The following CCDC148 variants were observed in gnomAD, a reference collection of about 807,000 sequenced individuals.
CCDC148 encodes coiled-coil domain-containing protein 148.
Under a neutral mutation model 85.7 loss-of-function variants are expected in CCDC148, and 89 were observed. The observed-to-expected ratio is 1.04, with a 90% CI of 0.87 to 1.24. CCDC148 has a LOEUF of 1.24. Ranked by LOEUF, CCDC148 falls within the 50% of genes most tolerant of loss-of-function variation. The probability of loss-of-function intolerance (pLI) is 0.00; values close to 1 mark genes in which losing one functional copy is unlikely to be tolerated. For synonymous variants in CCDC148, 230 were observed against 213.9 expected (o/e 1.08, Z -0.66); for missense variants, 692 against 671.7 (o/e 1.03, Z -0.33).
chr2:158,316,618 A>G (rs1308209402), intron 7 of CCDC148, among the ~76,000 whole-genome samples: 1 of 152,200 alleles, frequency 6.6e-6, no homozygotes, highest in Non-Finnish European at 1.5e-5. Context: ...AATACTCACA[A>G]TATTATTATT....
chr2:158,364,202 G>A (rs896174449), intron 1 of CCDC148, among the ~76,000 whole-genome samples: 2 of 152,202 alleles, frequency 1.3e-5, no homozygotes, highest in African/African-American at 4.8e-5. Context: ...TCATGGATAG[G>A]AAGAATGAAT....
intron 7 of CCDC148, among the ~76,000 whole-genome samples, chr2:158,321,472 C>A (rs1168303595): frequency 6.6e-6 from 1 of 152,148 alleles, no homozygotes; most frequent in Non-Finnish European, 1.5e-5. Context: ...CCAGCTCAGA[C>A]TGGAAGTGCA....
At chr2:158,224,675 A>G (rs915800421) in intron 10 of CCDC148, among the ~76,000 whole-genome samples, 1 of 152,248 alleles carries the variant, frequency 6.6e-6, no homozygotes, top group African/African-American at 2.4e-5. Flanking sequence ...AAGAATTTTC[A>G]AACCAGAATT....
chr2:158,303,565 T>C (rs1026809083), intron 9 of CCDC148, among the ~76,000 whole-genome samples: 1 of 152,238 alleles, frequency 6.6e-6, no homozygotes, highest in Non-Finnish European at 1.5e-5. Context: ...TCTTTTATGA[T>C]ATCATTCTGA....
intron 1 of CCDC148, among the ~76,000 whole-genome samples, chr2:158,445,183 C>G (rs1178554126): frequency 6.6e-6 from 1 of 152,156 alleles, no homozygotes; most frequent in East Asian, 1.9e-4. Flanking sequence ...CAAGGCCCAA[C>G]AGTAAATCAT....
chr2:158,176,535 A>G lies in CCDC148; in HGVS notation c.1615T>C (p.Tyr539His), dbSNP rs1323692455. The change falls in exon 13 of 14, where the codon TAC becomes CAC. Residue 539 changes from tyrosine (Y) to histidine (H), a missense_variant. Coordinates refer to ENST00000283233, the MANE Select transcript of CCDC148 (RefSeq NM_138803.4). ...TCCATAATTACCTGCTGTTCATTGT[A>G]TGTATTCAATGTGAAGAGTGGCTTT... ...LQKPLFTLNTYNEQQIISDPR... is the reference protein window; with the variant it reads ...LQKPLFTLNTHNEQQIISDPR... The G allele has an allele frequency of 1.2e-6, 2 of 1,611,764 alleles. No individual in the cohort carries two copies. Among genetic ancestry groups the G allele is most frequent in the Admixed American group, 1.7e-5 (1 of 59,842 alleles).
intron 1 of CCDC148, among the ~76,000 whole-genome samples, chr2:158,406,886 G>A (rs114552442): frequency 0.012 from 1,801 of 152,136 alleles, 13 homozygotes; most frequent in Non-Finnish European, 0.019. Flanking sequence ...GCCTCTCAAA[G>A]TGCAGGGATT....
chr2:158,442,205 C>A (rs1687964683), intron 1 of CCDC148, among the ~76,000 whole-genome samples: 1 of 152,258 alleles, frequency 6.6e-6, no homozygotes, highest in African/African-American at 2.4e-5. Context: ...TCATCAGAGG[C>A]TAAATCTATT....
intron 1 of CCDC148, among the ~76,000 whole-genome samples, chr2:158,360,266 G>A (rs1044501624): frequency 3.9e-5 from 6 of 152,156 alleles, no homozygotes; most frequent in African/African-American, 7.2e-5. Flanking sequence ...AAACTTAGAC[G>A]TCCCTGCCTG....
At chr2:158,189,437 C>A (rs548045000) in intron 11 of CCDC148, among the ~76,000 whole-genome samples, 19 of 151,916 alleles carry the variant, frequency 1.3e-4, no homozygotes, top group African/African-American at 4.6e-4. Context: ...GTTCTTTTCC[C>A]AAACTGATGG....
At chr2:158,356,546 A>C (rs1266236748) in intron 2 of CCDC148, among the ~76,000 whole-genome samples, 1 of 152,172 alleles carries the variant, frequency 6.6e-6, no homozygotes, top group African/African-American at 2.4e-5. Flanking sequence ...ATCTCACAAC[A>C]GTTAGAATGG....
chr2:158,445,489 G>T (rs1419895552), intron 1 of CCDC148, among the ~76,000 whole-genome samples: 1 of 151,554 alleles, frequency 6.6e-6, no homozygotes, highest in Non-Finnish European at 1.5e-5. Flanking sequence ...GGAGCTAAAT[G>T]ATTTAAGTGA....
At chr2:158,433,074 C>CAAAAAAAAAAAAAA (rs755383954) in intron 1 of CCDC148, among the ~76,000 whole-genome samples, 12 of 74,018 alleles carry the variant, frequency 1.6e-4, no homozygotes, top group African/African-American at 5.1e-4. Context: ...CTCATCTCTA[C>CAAAAAAAAAAAAAA]AAAAAAAAAA....
In CCDC148 at chr2:158,237,741, G is replaced by A. The variant is rs75917303; in HGVS notation, c.1251+13031C>T. On this transcript the variant is annotated intron_variant, in intron 10 of 13. Coordinates refer to ENST00000283233, the MANE Select transcript of CCDC148 (RefSeq NM_138803.4). Reference sequence around the variant, plus strand: ...TGGTATTAGGAAATAAATGGTATACGAAGTCATATGGATTGGCTGAGATCA... The same window carrying A: ...TGGTATTAGGAAATAAATGGTATACAAAGTCATATGGATTGGCTGAGATCA... 7.2e-5 allele frequency among the ~76,000 whole-genome samples: 11 copies of A among 152,254 alleles called. No individual in the cohort carries two copies. In the East Asian group the frequency reaches 1.7e-3, roughly 24 times the overall value.
At chr2:158,419,186 C>A (rs1433241879) in intron 1 of CCDC148, among the ~76,000 whole-genome samples, 2 of 152,064 alleles carry the variant, frequency 1.3e-5, no homozygotes, top group East Asian at 3.8e-4. Flanking sequence ...TATTTGGAAA[C>A]AAGCAAGCAT....
chr2:158,377,137 T>C (rs1024046530), intron 1 of CCDC148, among the ~76,000 whole-genome samples: 1 of 152,002 alleles, frequency 6.6e-6, no homozygotes, highest in African/African-American at 2.4e-5. Context: ...CTCTGAACAA[T>C]GATTTGAAAG....
chr2:158,435,818 G>T (rs1687620430), intron 1 of CCDC148, among the ~76,000 whole-genome samples: 1 of 152,096 alleles, frequency 6.6e-6, no homozygotes, highest in South Asian at 2.1e-4. Flanking sequence ...AAAAGCAGGG[G>T]TTGCAATCCT....
At chr2:158,322,549 A>G (rs1199037478) in intron 7 of CCDC148, among the ~76,000 whole-genome samples, 1 of 152,056 alleles carries the variant, frequency 6.6e-6, no homozygotes, top group African/African-American at 2.4e-5. Flanking sequence ...ATTAATTTTT[A>G]GTTTCTTCTC....
At chr2:158,234,935 T>C (rs776753606) in intron 10 of CCDC148, among the ~76,000 whole-genome samples, 23 of 152,106 alleles carry the variant, frequency 1.5e-4, no homozygotes, top group Non-Finnish European at 2.5e-4. Context: ...TTATCTACAA[T>C]GGACATAAAA....
Sources: gnomAD v4.1 joint callset for allele counts (sites outside exome capture counted in the v4.1 genomes callset) on GRCh38, gnomAD v4.1.1 for gene constraint, MANE v1.5 for transcripts, NCBI Gene and HGNC (gene_info 2026-07-23, HGNC 2026-07-21) for gene names.